The following GTF2F2 variants were observed in gnomAD, a reference collection of about 807,000 sequenced individuals.
The protein encoded by GTF2F2 is ATP-dependent helicase GTF2F2.
In GTF2F2, 23 loss-of-function variants were observed where a neutral mutation model predicts 42.2. The ratio of observed to expected loss-of-function variants is 0.55; its 90% CI spans 0.39 to 0.77. The LOEUF is 0.77. Among genes scored for constraint, GTF2F2 ranks in the 30% least tolerant of loss-of-function variants. GTF2F2 has a pLI of 0.00. For synonymous variants in GTF2F2, 105 were observed against 100.8 expected, an observed-to-expected ratio of 1.04 and a Z score of -0.25; for missense variants, 261 against 287.2, an observed-to-expected ratio of 0.91 and a Z score of 0.66.
At chr13:45,215,028 T>C (rs1363083358) in intron 5 of GTF2F2, among the ~76,000 whole-genome samples, 1 of 152,204 alleles carries the variant, frequency 6.6e-6, no homozygotes, top group Non-Finnish European at 1.5e-5. Context: ...GGTTCCCATA[T>C]GATTATAAAA....
chr13:45,193,596 C>CACCTAA (rs1339617724), intron 4 of GTF2F2: 1 of 533,118 alleles, frequency 1.9e-6, no homozygotes, highest in African/African-American at 1.9e-5. Flanking sequence ...AGAGTCTGAT[C>CACCTAA]AGTAGGAACA....
chr13:45,253,735 G>GTCAT (rs947972084), intron 6 of GTF2F2, among the ~76,000 whole-genome samples: 1 of 152,096 alleles, frequency 6.6e-6, no homozygotes, highest in Non-Finnish European at 1.5e-5. Context: ...CCACCCATTA[G>GTCAT]TCACTTAGTA....
intron 4 of GTF2F2, among the ~76,000 whole-genome samples, chr13:45,195,593 C>CA (rs1255448157): frequency 2.0e-5 from 3 of 152,108 alleles, no homozygotes; most frequent in African/African-American, 7.2e-5. Context: ...CCTTGTTTTT[C>CA]AACTTGGGAG....
In GTF2F2 at chr13:45,269,054, T is replaced by G. The variant is rs187523172; in HGVS notation, c.630+1678T>G. On this transcript the variant is annotated intron_variant, in intron 7 of 7. Transcript: ENST00000340473. ...ATTGTTCTGGGGAACATATCATCCA[T>G]AGTTTGTATCAGATTCTCATAGAAG... 3.9e-5 allele frequency among the ~76,000 whole-genome samples: 6 copies of G among 152,310 alleles called. No homozygotes were observed. The East Asian group carries it at 1.2e-3, about 29-fold the overall frequency.
rs369614971 is a variant in GTF2F2, at chr13:45,239,370, GGT to G, written c.387-13500_387-13499del. Among the ~76,000 whole-genome samples, 35 of 152,288 alleles carry G rather than the reference GGT, an allele frequency of 2.3e-4. No individual in the cohort carries two copies. The East Asian group carries it at 5.8e-3, about 25-fold the overall frequency. ...AATCTTGTGTTGTCTAGCTAACAGA[GGT>G]AATATAGTGACTCTCTGGAATGCTG... On this transcript the variant is annotated intron_variant, in intron 5 of 7. Coordinates refer to ENST00000340473, the MANE Select transcript of GTF2F2 (RefSeq NM_004128.3).
chr13:45,157,717 C>T (rs891165094), intron 4 of GTF2F2, among the ~76,000 whole-genome samples: 1 of 152,084 alleles, frequency 6.6e-6, no homozygotes, highest in Non-Finnish European at 1.5e-5. Flanking sequence ...GAACTACAGT[C>T]GCATGCCACC....
rs781454009 is a variant in GTF2F2 at position 45,207,478 on chromosome 13, C to G, written c.359C>G (p.Ala120Gly). 1 of 1,609,362 alleles carries G rather than the reference C, an allele frequency of 6.2e-7. No homozygotes were observed. The highest frequency in any genetic ancestry group is 8.5e-7 in the Non-Finnish European group (1 of 1,175,828). ...VVQRAECRPA[A>G]SENYMRLKRL... Reference sequence around the variant, plus strand: ...CAAAGAGCTGAATGCCGACCAGCTGCCAGTGAAAACTACATGCGATTAAAA... The same window carrying G: ...CAAAGAGCTGAATGCCGACCAGCTGGCAGTGAAAACTACATGCGATTAAAA... The change falls in exon 5 of 8, where the codon GCC (alanine) becomes GGC (glycine). Residue 120 changes from alanine to glycine, a missense_variant. Ala to Gly is a moderately conservative substitution (Grantham distance 60). Transcript: ENST00000340473.
Position 45,151,121 on chromosome 13 carries a change from C to A in GTF2F2, c.160-566C>A, listed in dbSNP as rs561856868. On this transcript the variant is annotated intron_variant, in intron 3 of 7. Transcript: ENST00000340473. Reference sequence around the variant, plus strand: ...AATAGGTAGTTTTTTAACCCTTGGTCTCCTCTCTCCCTCTCTCTTTTTGGA... The same window carrying A: ...AATAGGTAGTTTTTTAACCCTTGGTATCCTCTCTCCCTCTCTCTTTTTGGA... Among the ~76,000 whole-genome samples, 21 of 152,132 alleles carry A rather than the reference C, an allele frequency of 1.4e-4. No individual in the cohort carries two copies. In the Middle Eastern group the frequency reaches 0.01, roughly 74 times the overall value.
intron 4 of GTF2F2, chr13:45,206,501 C>T (rs1406120584): frequency 6.6e-6 from 1 of 152,166 alleles, no homozygotes; most frequent in African/African-American, 2.4e-5. Flanking sequence ...ATCATAAATG[C>T]ACTACTCATG....
intron 7 of GTF2F2, among the ~76,000 whole-genome samples, chr13:45,282,585 A>G (rs536989346): frequency 1.3e-5 from 2 of 151,938 alleles, no homozygotes; most frequent in South Asian, 2.1e-4. Flanking sequence ...GCTCACTGCA[A>G]CCTCTGCCTC....
chr13:45,161,992 A>G (rs1032668383), intron 4 of GTF2F2, among the ~76,000 whole-genome samples: 3 of 152,198 alleles, frequency 2.0e-5, no homozygotes, highest in African/African-American at 7.2e-5. Flanking sequence ...ATTAAATAAG[A>G]TAGTAAATAC....
chr13:45,203,268 A>G (rs1873284059), intron 4 of GTF2F2, among the ~76,000 whole-genome samples: 1 of 147,528 alleles, frequency 6.8e-6, no homozygotes, highest in African/African-American at 2.5e-5. Flanking sequence ...GATTTTTAGT[A>G]GAGAGACGGT....
chr13:45,137,111 C>T (rs1296167201), intron 2 of GTF2F2, among the ~76,000 whole-genome samples: 1 of 152,178 alleles, frequency 6.6e-6, no homozygotes, highest in Non-Finnish European at 1.5e-5. Flanking sequence ...TCCTGTCTGC[C>T]TCCTTGAGCA....
rs148124193 is a variant in GTF2F2 at position 45,194,511 on chromosome 13, G to A, written c.305-12913G>A. 52 of 1,614,092 alleles carry A rather than the reference G, an allele frequency of 3.2e-5. No individual in the cohort carries two copies. In the African/African-American group the frequency reaches 6.1e-4, roughly 19 times the overall value. On this transcript the variant is annotated intron_variant, in intron 4 of 7. Transcript: ENST00000340473. ...TTCCTTGATCAGTATCTTCCAGGCT[G>A]TTGTGTTTCCCTTCATACTCCTTTT... is the stretch of plus-strand genomic sequence containing the variant.
intron 2 of GTF2F2, among the ~76,000 whole-genome samples, chr13:45,141,537 G>A (rs545500005): frequency 6.6e-6 from 1 of 152,284 alleles, no homozygotes; most frequent in East Asian, 1.9e-4. Flanking sequence ...TAGCAGATGT[G>A]TGTGTAGGGG....
chr13:45,206,258 G>C (rs1314211380), intron 4 of GTF2F2: 3 of 152,046 alleles, frequency 2.0e-5, no homozygotes, highest in Admixed American at 1.3e-4. Flanking sequence ...CTAGATTTTG[G>C]AGACATCCAA....
At chr13:45,250,917 G>A (rs1485049844) in intron 5 of GTF2F2, among the ~76,000 whole-genome samples, 1 of 152,166 alleles carries the variant, frequency 6.6e-6, no homozygotes, top group African/African-American at 2.4e-5. Context: ...AAGTATAATT[G>A]TAAGTATTAT....
chr13:45,232,591 C>T (rs985181069), intron 5 of GTF2F2, among the ~76,000 whole-genome samples: 1 of 152,050 alleles, frequency 6.6e-6, no homozygotes, highest in East Asian at 1.9e-4. Flanking sequence ...CCTATGATCA[C>T]GCCACTGCAC....
At chr13:45,183,761 G>T (rs910634276) in intron 4 of GTF2F2, among the ~76,000 whole-genome samples, 7 of 152,218 alleles carry the variant, frequency 4.6e-5, no homozygotes, top group African/African-American at 1.7e-4. Flanking sequence ...ACTTAGTACT[G>T]TGCCTGATAC....
Sources: gnomAD v4.1 joint callset for allele counts (sites outside exome capture counted in the v4.1 genomes callset) on GRCh38, gnomAD v4.1.1 for gene constraint, MANE v1.5 for transcripts, NCBI Gene and HGNC (gene_info 2026-07-23, HGNC 2026-07-21) for gene names.